Variants in PSMD1 observed in about 807,000 individuals in gnomAD.
PSMD1 encodes proteasome 26S subunit, non-ATPase 1.
A neutral mutation model predicts 119.0 loss-of-function variants in PSMD1; 18 were observed. That is an observed-to-expected ratio of 0.15 (90% CI 0.10 to 0.22). The LOEUF is 0.22. Among genes scored for constraint, PSMD1 ranks in the 10% least tolerant of loss-of-function variants. The pLI is 1.00. For synonymous variants in PSMD1, 374 were observed against 396.6 expected (o/e 0.94, Z 0.68); for missense variants, 702 against 1,158.5 (o/e 0.61, Z 5.72).
intron 16 of PSMD1, among the ~76,000 whole-genome samples, chr2:231,111,075 T>C (rs1356073066): frequency 6.6e-6 from 1 of 152,210 alleles, no homozygotes; most frequent in African/African-American, 2.4e-5. Flanking sequence ...TTCATCTTCA[T>C]CAATGGCTTC....
chr2:231,101,401 C>T (rs1484586575), intron 16 of PSMD1, among the ~76,000 whole-genome samples: 1 of 152,152 alleles, frequency 6.6e-6, no homozygotes, highest in African/African-American at 2.4e-5. Flanking sequence ...ACTTTTCCCA[C>T]CACCCTGACC....
At chr2:231,126,142 C>A (rs1266074322) in intron 16 of PSMD1, among the ~76,000 whole-genome samples, 1 of 152,106 alleles carries the variant, frequency 6.6e-6, no homozygotes, top group Non-Finnish European at 1.5e-5. Context: ...GTGGCTCATT[C>A]CTGTAATTCC....
At chr2:231,076,496 G>A (rs750276163) in intron 8 of PSMD1, among the ~76,000 whole-genome samples, 5 of 152,146 alleles carry the variant, frequency 3.3e-5, no homozygotes, top group South Asian at 2.1e-4. Flanking sequence ...GCAAAACCCC[G>A]TCTCTACTAA....
chr2:231,167,676 T>G (rs1696819652), intron 23 of PSMD1, among the ~76,000 whole-genome samples: 1 of 152,238 alleles, frequency 6.6e-6, no homozygotes, highest in Non-Finnish European at 1.5e-5. Flanking sequence ...GAGCATTGAC[T>G]TTAGTGGACA....
intron 8 of PSMD1, 24 bp from the exon 9 acceptor site, chr2:231,077,009 AT>A (rs759314082): frequency 1.9e-3 from 2,610 of 1,374,218 alleles, no homozygotes; most frequent in Admixed American, 5.6e-3. Flanking sequence ...ATGAGTTTTC[AT>A]TTTTTTTTTG....
intron 1 of PSMD1, among the ~76,000 whole-genome samples, chr2:231,059,840 G>A (rs183476426): frequency 3.8e-4 from 58 of 152,306 alleles, no homozygotes; most frequent in African/African-American, 1.3e-3. Context: ...AGAGAGTTCT[G>A]TTTTGTTTTT....
intron 15 of PSMD1, among the ~76,000 whole-genome samples, 167 bp downstream of exon 15, chr2:231,085,281 A>G (rs1694404614): frequency 6.6e-6 from 1 of 152,204 alleles, no homozygotes; most frequent in South Asian, 2.1e-4. Context: ...CACTAGATTC[A>G]CTTAGCTTTT....
intron 16 of PSMD1, among the ~76,000 whole-genome samples, chr2:231,132,907 A>G (rs1695885661): frequency 6.6e-6 from 1 of 152,222 alleles, no homozygotes; most frequent in South Asian, 2.1e-4. Context: ...GGCAGATTAT[A>G]TGTGGAGAGT....
rs147373408 is a variant in PSMD1, at chr2:231,168,760, A to G, written c.2716-1806A>G. Among the ~76,000 whole-genome samples the G allele has an allele frequency of 5.1e-3, 781 of 152,318 alleles. 13 individuals are homozygous for G. Among genetic ancestry groups the G allele is most frequent in the Admixed American group, 0.023 (345 of 15,298 alleles). On this transcript the variant is annotated intron_variant, in intron 23 of 24. Coordinates refer to ENST00000308696, the MANE Select transcript of PSMD1 (RefSeq NM_002807.4). ...CTGCACAAGTTTGTGAATGTACTAA[A>G]TTGTACGCTTTGAGAGAATGAATTT... is the stretch of plus-strand genomic sequence containing the variant.
At chr2:231,115,478 G>C (rs570819136) in intron 16 of PSMD1, among the ~76,000 whole-genome samples, 1 of 152,196 alleles carries the variant, frequency 6.6e-6, no homozygotes, top group South Asian at 2.1e-4. Flanking sequence ...ATAAATGATT[G>C]GGACTTAGTT....
chr2:231,147,927 C>T (rs1000995311), intron 18 of PSMD1, among the ~76,000 whole-genome samples: 1 of 152,110 alleles, frequency 6.6e-6, no homozygotes, highest in African/African-American at 2.4e-5. Flanking sequence ...TTTTATGGAG[C>T]TTTGTTTAAA....
rs565896874 is a variant in PSMD1, at chr2:231,101,880, G to T, written c.1883+14699G>T. Among the ~76,000 whole-genome samples, 45 of 152,336 alleles carry T rather than the reference G, an allele frequency of 3.0e-4. No individual in the cohort carries two copies. In the South Asian group the frequency reaches 9.1e-3, roughly 31 times the overall value. On this transcript the variant is annotated intron_variant, in intron 16 of 24. Coordinates refer to ENST00000308696, the MANE Select transcript of PSMD1 (RefSeq NM_002807.4). The stretch of plus-strand genomic sequence containing the variant: ...CTGCTGCCCAGGCTGGAGTGCAGTG[G>T]TGTGATCATTGCTCAGAGGCAAACC...
intron 16 of PSMD1, chr2:231,109,307 A>G (rs1695077192): frequency 6.2e-7 from 1 of 1,614,018 alleles, no homozygotes; most frequent in Admixed American, 1.7e-5. Flanking sequence ...TGAGCCAAAG[A>G]GCATGAAATC....
At chr2:231,142,952 C>T (rs1696163063) in intron 17 of PSMD1, among the ~76,000 whole-genome samples, 1 of 151,982 alleles carries the variant, frequency 6.6e-6, no homozygotes, top group Non-Finnish European at 1.5e-5. Context: ...AGTCACTTTC[C>T]AACAAAGGAT....
At chr2:231,105,182 T>C (rs562180704) in intron 16 of PSMD1, among the ~76,000 whole-genome samples, 1 of 152,292 alleles carries the variant, frequency 6.6e-6, no homozygotes, top group South Asian at 2.1e-4. Context: ...TATTTGTAGA[T>C]TGTTATTTGT....
chr2:231,158,171 C>T (rs756835477), intron 19 of PSMD1, among the ~76,000 whole-genome samples: 10 of 151,864 alleles, frequency 6.6e-5, no homozygotes, highest in Non-Finnish European at 1.3e-4. Flanking sequence ...CTTAGCTGGG[C>T]GTGGTGGTGC....
intron 16 of PSMD1, chr2:231,123,807 A>G: frequency 7.0e-7 from 1 of 1,420,610 alleles, no homozygotes; most frequent in Admixed American, 1.7e-5. Context: ...AACAGTGGTC[A>G]GCATGGTTAG....
intron 19 of PSMD1, among the ~76,000 whole-genome samples, chr2:231,160,817 G>A (rs1310737792): frequency 6.6e-6 from 1 of 152,126 alleles, no homozygotes; most frequent in Non-Finnish European, 1.5e-5. Context: ...TGGAGAGCCT[G>A]GATAACTCAC....
intron 5 of PSMD1, among the ~76,000 whole-genome samples, chr2:231,068,269 G>A (rs1349732445): frequency 1.3e-5 from 2 of 152,148 alleles, no homozygotes; most frequent in East Asian, 3.8e-4. Context: ...TCGATAATAC[G>A]ATTTGTTTAA....
Sources: gnomAD v4.1 joint callset for allele counts (sites outside exome capture counted in the v4.1 genomes callset) on GRCh38, gnomAD v4.1.1 for gene constraint, MANE v1.5 for transcripts, NCBI Gene and HGNC (gene_info 2026-07-23, HGNC 2026-07-21) for gene names.